The following ERICH6B variants were observed in gnomAD, a reference collection of about 807,000 sequenced individuals.
The protein encoded by ERICH6B is glutamate rich 6B, also known as glutamate-rich protein 6B.
A neutral mutation model predicts 80.0 loss-of-function variants in ERICH6B; 69 were observed. That is an observed-to-expected ratio of 0.86 (90% CI 0.71 to 1.05). The LOEUF (loss-of-function observed/expected upper bound fraction) is 1.05. ERICH6B is among the 50% of genes least tolerant of loss of function. ERICH6B has a pLI of 0.00. For synonymous variants in ERICH6B, 283 were observed against 291.9 expected (o/e 0.97, Z 0.31); for missense variants, 754 against 796.1 (o/e 0.95, Z 0.64).
chr13:45,568,728 A>G (rs956183536), intron 8 of ERICH6B, among the ~76,000 whole-genome samples: 1 of 152,242 alleles, frequency 6.6e-6, no homozygotes, highest in Non-Finnish European at 1.5e-5. Context: ...CCCTGAATTT[A>G]AAAGTTGAAG....
chr13:45,596,756 C>A lies in ERICH6B; in HGVS notation c.250G>T (p.Glu84Ter). The change falls in exon 3 of 15, where the codon GAG becomes TAG. Residue 84 changes from glutamate to a stop codon, truncating the protein, a stop_gained. Transcript: ENST00000298738. LOFTEE classifies it high-confidence loss of function. ...LGKEEYLKEE[E>*]YLGKEEHLEE... is the part of the protein sequence containing the mutation. ...AGATGCTCTTCCTTCCCCAGATACT[C>A]TTCCTCCTTCAAGTATTCTTCTTTC... The A allele has an allele frequency of 6.4e-7, 1 of 1,551,714 alleles. No homozygotes were observed.
Position 45,549,981 on chromosome 13 carries a change from T to A in ERICH6B, c.1558A>T (p.Ile520Phe), listed in dbSNP as rs1393479386. Reference sequence around the variant, plus strand: ...CTCCCTTCTAGACTGTCTTCCAGAATGATGTATGTGAACTTTTTCATTTTC... The same window carrying A: ...CTCCCTTCTAGACTGTCTTCCAGAAAGATGTATGTGAACTTTTTCATTTTC... ...YAKMKKFTYI[I>F]LEDSLEGRIR... Residue 520 changes from isoleucine (I) to phenylalanine (F), a missense_variant, in exon 13 of 15, where the codon ATT becomes TTT. Ile to Phe is a conservative substitution (Grantham distance 21, BLOSUM62 0). Transcript: ENST00000298738. 1 of 1,551,834 alleles carries A rather than the reference T, an allele frequency of 6.4e-7. No homozygotes were observed. The highest frequency in any genetic ancestry group is 2.4e-5 in the East Asian group (1 of 40,936).
At chr13:45,570,507 A>G (rs1221266615) in intron 8 of ERICH6B, among the ~76,000 whole-genome samples, 1 of 152,226 alleles carries the variant, frequency 6.6e-6, no homozygotes, top group Non-Finnish European at 1.5e-5. Context: ...TAACTGAACT[A>G]TAGGTTGATA....
At chr13:45,551,858 C>T (rs1294082882) in intron 11 of ERICH6B, among the ~76,000 whole-genome samples, 1 of 152,140 alleles carries the variant, frequency 6.6e-6, no homozygotes, top group Non-Finnish European at 1.5e-5. Context: ...GAAACAAGAA[C>T]CCCCTTGCCA....
intron 2 of ERICH6B, among the ~76,000 whole-genome samples, chr13:45,604,167 G>C (rs376741670): frequency 6.6e-6 from 1 of 152,362 alleles, no homozygotes; most frequent in African/African-American, 2.4e-5. Flanking sequence ...TGAGAAGAGG[G>C]AACTCTGCTG....
chr13:45,595,687 T>C (rs1279094287), intron 3 of ERICH6B, among the ~76,000 whole-genome samples: 1 of 150,950 alleles, frequency 6.6e-6, no homozygotes, highest in Non-Finnish European at 1.5e-5. Context: ...CTCTTTTTTT[T>C]TTTTTTTTTA....
At chr13:45,580,580 T>A (rs1161570595) in intron 6 of ERICH6B, 23 bp downstream of exon 6, 10 of 1,550,680 alleles carry the variant, frequency 6.4e-6, no homozygotes, top group Non-Finnish European at 8.7e-6. Context: ...CTACAGATCA[T>A]TTAAAATCAT....
In ERICH6B at chr13:45,549,889, T is replaced by TTA; in HGVS notation, c.1646+2_1646+3dup. ...AGTGTTAGGGACTCATGACCCAAGCTTACCAGATATCACTATTTTCATCAT... is the reference window on the plus strand; with the variant it reads ...AGTGTTAGGGACTCATGACCCAAGCTTATACCAGATATCACTATTTTCATCAT... On this transcript the variant is annotated splice_donor_region_variant and intron_variant, in intron 13 of 14. Coordinates refer to ENST00000298738, the MANE Select transcript of ERICH6B (RefSeq NM_182542.3). The TTA allele has an allele frequency of 6.5e-7, 1 of 1,549,722 alleles. No homozygotes were observed. The highest frequency in any genetic ancestry group is 8.7e-7 in the Non-Finnish European group (1 of 1,146,718).
chr13:45,593,324 T>C (rs918826569), intron 3 of ERICH6B, among the ~76,000 whole-genome samples: 3 of 152,134 alleles, frequency 2.0e-5, no homozygotes, highest in Non-Finnish European at 2.9e-5. Flanking sequence ...TCTCATCTTT[T>C]GGTTATGTCC....
intron 1 of ERICH6B, among the ~76,000 whole-genome samples, chr13:45,612,745 A>G (rs933342666): frequency 1.8e-4 from 27 of 152,168 alleles, no homozygotes; most frequent in Non-Finnish European, 2.9e-5. Flanking sequence ...GTGTTTTCAC[A>G]TGACAGACTA....
intron 2 of ERICH6B, among the ~76,000 whole-genome samples, chr13:45,601,589 C>G (rs1459403259): frequency 1.3e-5 from 2 of 152,074 alleles, no homozygotes; most frequent in South Asian, 2.1e-4. Flanking sequence ...CAGCCGGTCC[C>G]CTGGATAGCC....
intron 3 of ERICH6B, among the ~76,000 whole-genome samples, chr13:45,591,462 G>A (rs2138015793): frequency 6.6e-6 from 1 of 152,264 alleles, no homozygotes; most frequent in Non-Finnish European, 1.5e-5. Flanking sequence ...TGGATGTAGT[G>A]GCAGGCGCCT....
At chr13:45,562,958 CTA>C (rs1874752157) in intron 10 of ERICH6B, among the ~76,000 whole-genome samples, 1 of 152,154 alleles carries the variant, frequency 6.6e-6, no homozygotes, top group Non-Finnish European at 1.5e-5. Flanking sequence ...TTGATTAGTG[CTA>C]TGTCTCCCAT....
At chr13:45,613,694 G>A (rs186630537) in intron 1 of ERICH6B, among the ~76,000 whole-genome samples, 2 of 152,218 alleles carry the variant, frequency 1.3e-5, no homozygotes, top group African/African-American at 4.8e-5. Flanking sequence ...AGTCTGAGAG[G>A]GCACAGATGC....
intron 11 of ERICH6B, among the ~76,000 whole-genome samples, chr13:45,559,168 T>C (rs1238587878): frequency 6.6e-6 from 1 of 152,216 alleles, no homozygotes; most frequent in African/African-American, 2.4e-5. Context: ...CTGTCTCCTC[T>C]AGGTCTTCTA....
chr13:45,550,430 C>A, intron 11 of ERICH6B, 114 bp from the exon 12 acceptor site: 1 of 775,138 alleles, frequency 1.3e-6, no homozygotes, highest in East Asian at 2.7e-5. Context: ...CACGTGCTAC[C>A]TCATCAACTT....
intron 2 of ERICH6B, among the ~76,000 whole-genome samples, chr13:45,606,503 GTGTATATATATATATA>G (rs1566307639): frequency 0.014 from 447 of 32,694 alleles, 9 homozygotes; most frequent in African/African-American, 0.042. Context: ...AAAAGTGTAT[GTGTATATATATATATA>G]TATATATATA....
intron 1 of ERICH6B, among the ~76,000 whole-genome samples, chr13:45,612,332 TATAG>T (rs1949904469): frequency 6.6e-6 from 1 of 152,236 alleles, no homozygotes; most frequent in Non-Finnish European, 1.5e-5. Context: ...AAGGCATACC[TATAG>T]ATAGTCTTCA....
chr13:45,584,268 C>T (rs1449203401), intron 5 of ERICH6B, among the ~76,000 whole-genome samples: 1 of 152,186 alleles, frequency 6.6e-6, no homozygotes, highest in Non-Finnish European at 1.5e-5. Flanking sequence ...GTTTCCAGTG[C>T]TCCAGAGCGT....
Sources: allele counts gnomAD v4.1 joint callset (sites outside exome capture counted in the v4.1 genomes callset), GRCh38; gene constraint gnomAD v4.1.1; transcripts MANE v1.5; gene names NCBI Gene and HGNC (gene_info 2026-07-23, HGNC 2026-07-21).